Variants in SYNRG observed in about 807,000 individuals in gnomAD.
The protein encoded by SYNRG is synergin gamma.
A neutral mutation model predicts 130.9 loss-of-function variants in SYNRG; 37 were observed. The observed-to-expected ratio is 0.28, with a 90% CI of 0.22 to 0.37. SYNRG has a LOEUF of 0.37. SYNRG is among the 10% of genes least tolerant of loss of function. SYNRG has a pLI of 1.00. For synonymous variants in SYNRG, 539 were observed against 568.1 expected (o/e 0.95, Z 0.73); for missense variants, 1,338 against 1,588.9 (o/e 0.84, Z 2.68).
At chr17:37,595,643 A>G (rs1022333741) in intron 3 of SYNRG, among the ~76,000 whole-genome samples, 5 of 152,244 alleles carry the variant, frequency 3.3e-5, no homozygotes, top group Admixed American at 2.6e-4. Context: ...AATCTAAAAT[A>G]TAAGTTGAAA....
chr17:37,529,065 T>G (rs1439860071), intron 19 of SYNRG, among the ~76,000 whole-genome samples: 1 of 152,204 alleles, frequency 6.6e-6, no homozygotes, highest in African/African-American at 2.4e-5. Context: ...ACCTGGTGTC[T>G]TGAAAAACAA....
intron 1 of SYNRG, chr17:37,606,071 C>T (rs1164272223): frequency 7.5e-6 from 7 of 934,932 alleles, no homozygotes; most frequent in Non-Finnish European, 8.9e-6. Context: ...GAAATGATTT[C>T]CCTGAAACTG....
intron 13 of SYNRG, among the ~76,000 whole-genome samples, chr17:37,558,206 G>A (rs1458150460): frequency 2.6e-5 from 4 of 152,074 alleles, no homozygotes; most frequent in Non-Finnish European, 4.4e-5. Flanking sequence ...AGTTATATGG[G>A]GCTGAATATT....
intron 15 of SYNRG, chr17:37,540,747 G>A: frequency 1.4e-6 from 1 of 726,984 alleles, no homozygotes; most frequent in Non-Finnish European, 2.0e-6. Context: ...CAATTCTCCT[G>A]CCTCAGCCTC....
intron 15 of SYNRG, 91 bp from the exon 16 acceptor site, chr17:37,540,634 T>A: frequency 3.6e-6 from 4 of 1,107,228 alleles, no homozygotes; most frequent in Non-Finnish European, 4.9e-6. Context: ...CCTCTTCTTT[T>A]TTTTTTTTTT....
chr17:37,608,792 T>C (rs539714558), intron 1 of SYNRG, among the ~76,000 whole-genome samples: 32 of 152,066 alleles, frequency 2.1e-4, no homozygotes, highest in Non-Finnish European at 4.3e-4. Flanking sequence ...GACAGGACAC[T>C]CTAAAAGGGG....
intron 19 of SYNRG, among the ~76,000 whole-genome samples, chr17:37,522,936 G>T (rs959220343): frequency 3.9e-5 from 6 of 152,032 alleles, no homozygotes; most frequent in African/African-American, 1.5e-4. Flanking sequence ...ACCGTGCCTG[G>T]CCACACACTT....
chr17:37,530,142 A>T (rs2056468312), intron 19 of SYNRG, among the ~76,000 whole-genome samples: 1 of 152,150 alleles, frequency 6.6e-6, no homozygotes, highest in Non-Finnish European at 1.5e-5. Flanking sequence ...AAACTTTAGT[A>T]CCTGTCTGGT....
chr17:37,540,624 CCTCT>C (rs2057662717), intron 15 of SYNRG, 81 bp from the exon 16 acceptor site: 1 of 1,297,786 alleles, frequency 7.7e-7, no homozygotes, highest in African/African-American at 1.5e-5. Flanking sequence ...CTACCACAAC[CCTCT>C]TCTTTTTTTT....
intron 3 of SYNRG, among the ~76,000 whole-genome samples, chr17:37,594,321 T>C (rs2146816492): frequency 6.8e-6 from 1 of 147,816 alleles, no homozygotes; most frequent in South Asian, 2.1e-4. Context: ...TTAATTAATA[T>C]TTAATATTAA....
intron 15 of SYNRG, chr17:37,541,685 T>G: frequency 2.2e-6 from 1 of 449,700 alleles, no homozygotes; most frequent in Non-Finnish European, 3.9e-6. Context: ...CTCGAATCCA[T>G]TTATCTGGCT....
At chr17:37,563,906 G>A (rs1308127474) in intron 11 of SYNRG, among the ~76,000 whole-genome samples, 1 of 150,534 alleles carries the variant, frequency 6.6e-6, no homozygotes, top group African/African-American at 2.4e-5. Context: ...GTGCAGTGGC[G>A]TGATCTTGGC....
At chr17:37,569,288 T>C (rs891136517) in intron 10 of SYNRG, among the ~76,000 whole-genome samples, 2 of 148,752 alleles carry the variant, frequency 1.3e-5, no homozygotes, top group Non-Finnish European at 2.9e-5. Flanking sequence ...CATGTGCCTG[T>C]AGTCCCAGCT....
At chr17:37,541,246 C>A (rs1205492255) in intron 15 of SYNRG, 1 of 985,304 alleles carries the variant, frequency 1.0e-6, no homozygotes, top group African/African-American at 1.7e-5. Flanking sequence ...CAGTTGAAAT[C>A]AACGACCCCT....
At chr17:37,581,768 T>TG (rs933549811) in intron 6 of SYNRG, among the ~76,000 whole-genome samples, 12 of 148,308 alleles carry the variant, frequency 8.1e-5, no homozygotes, top group African/African-American at 2.7e-4. Context: ...TTTTTTTCTT[T>TG]TTTTTTTTTT....
intron 14 of SYNRG, among the ~76,000 whole-genome samples, chr17:37,547,777 C>T (rs2145147673): frequency 6.6e-6 from 1 of 152,168 alleles, no homozygotes; most frequent in Admixed American, 6.6e-5. Flanking sequence ...TTTGCTACTT[C>T]TAAAAATCAG....
intron 11 of SYNRG, among the ~76,000 whole-genome samples, chr17:37,566,119 C>T (rs910871835): frequency 4.6e-5 from 7 of 152,270 alleles, no homozygotes; most frequent in African/African-American, 1.7e-4. Flanking sequence ...CGGCCACCAC[C>T]CTGTCTGGGA....
At chr17:37,548,483 G>A (rs1450590319) in intron 14 of SYNRG, among the ~76,000 whole-genome samples, 2 of 152,098 alleles carry the variant, frequency 1.3e-5, no homozygotes, top group Non-Finnish European at 2.9e-5. Context: ...GCATATTTAA[G>A]ACACTACAAG....
intron 19 of SYNRG, among the ~76,000 whole-genome samples, chr17:37,531,579 C>A (rs1239592431): frequency 2.0e-5 from 3 of 152,106 alleles, no homozygotes; most frequent in African/African-American, 7.2e-5. Flanking sequence ...GAGTTTGAGA[C>A]CAGCCTGAGC....
Sources: allele counts gnomAD v4.1 joint callset (sites outside exome capture counted in the v4.1 genomes callset), GRCh38; gene constraint gnomAD v4.1.1; transcripts MANE v1.5; gene names NCBI Gene and HGNC (gene_info 2026-07-23, HGNC 2026-07-21).